Variants in GPBP1 observed in about 807,000 individuals in gnomAD.
GPBP1 encodes the protein GC-rich promoter binding protein 1, also known as vasculin.
Under a neutral mutation model 56.5 loss-of-function variants are expected in GPBP1, and 13 were observed. That is an observed-to-expected ratio of 0.23 (90% confidence interval 0.15 to 0.37). The LOEUF (loss-of-function observed/expected upper bound fraction) is 0.37, where lower values mean the gene tolerates loss of function less well. Among genes scored for constraint, GPBP1 ranks in the 10% least tolerant of loss-of-function variants. The pLI is 1.00. For synonymous variants in GPBP1, 204 were observed against 188.9 expected (o/e 1.08, Z -0.66); for missense variants, 477 against 572.3 (o/e 0.83, Z 1.70).
chr5:57,246,376 A>G lies in GPBP1; in HGVS notation c.555A>G (p.Leu185=), dbSNP rs546693480. 14 of 1,613,554 alleles carry G rather than the reference A, an allele frequency of 8.7e-6. No homozygotes were observed. Among genetic ancestry groups the G allele is most frequent in the East Asian group, 2.2e-5 (1 of 44,880 alleles). The change falls in exon 7 of 12, where the codon CTA becomes CTG. Residue 185 remains leucine (L), a synonymous_variant. Coordinates refer to ENST00000506184, the MANE Select transcript of GPBP1 (RefSeq NM_022913.4). ...AAGGTAATACAAAAGACTTACAGCT[A>G]TCTGGATTCCCAGTAGTAGGAAATC... ...IKKGNTKDLQ[L]SGFPVVGNLP...
chr5:57,228,675 T>TA (rs1281172449), intron 3 of GPBP1, among the ~76,000 whole-genome samples: 2 of 151,114 alleles, frequency 1.3e-5, no homozygotes, highest in East Asian at 3.9e-4. Context: ...TTAAGGAAAT[T>TA]AAAAAAAATA....
intron 2 of GPBP1, among the ~76,000 whole-genome samples, chr5:57,188,011 G>C (rs552841722): frequency 9.2e-5 from 14 of 152,082 alleles, no homozygotes; most frequent in Non-Finnish European, 1.8e-4. Flanking sequence ...GGGAGGCTGA[G>C]GTGGGTGGAT....
At chr5:57,258,017 C>A (rs909285142) in intron 10 of GPBP1, among the ~76,000 whole-genome samples, 3 of 152,162 alleles carry the variant, frequency 2.0e-5, no homozygotes, top group Non-Finnish European at 4.4e-5. Flanking sequence ...TGACCCAGGT[C>A]TTCTAACTTC....
chr5:57,191,799 A>G (rs1003767707), intron 2 of GPBP1, among the ~76,000 whole-genome samples: 2 of 152,084 alleles, frequency 1.3e-5, no homozygotes, highest in Admixed American at 6.6e-5. Flanking sequence ...TGACCTCATG[A>G]TCCGCCCACC....
intron 2 of GPBP1, among the ~76,000 whole-genome samples, chr5:57,192,271 A>G (rs532564519): frequency 1.7e-4 from 26 of 152,148 alleles, no homozygotes; most frequent in Non-Finnish European, 3.1e-4. Flanking sequence ...TCACATTTCT[A>G]TTAAGTACTT....
chr5:57,183,360 C>T (rs1322358281), intron 2 of GPBP1, among the ~76,000 whole-genome samples: 7 of 152,120 alleles, frequency 4.6e-5, no homozygotes, highest in Admixed American at 1.3e-4. Flanking sequence ...AGAGTAAAAA[C>T]TCTGTCTCTA....
intron 2 of GPBP1, among the ~76,000 whole-genome samples, chr5:57,201,331 A>G (rs778734836): frequency 2.0e-5 from 3 of 151,972 alleles, no homozygotes; most frequent in Non-Finnish European, 4.4e-5. Flanking sequence ...TAATTGATGC[A>G]TTGCTGCCCA....
At chr5:57,219,774 C>A (rs541711237) in intron 3 of GPBP1, among the ~76,000 whole-genome samples, 2 of 152,042 alleles carry the variant, frequency 1.3e-5, no homozygotes, top group African/African-American at 4.8e-5. Flanking sequence ...GCATCTGGGC[C>A]GGGTGCGGTG....
At chr5:57,228,111 C>T (rs1756275846) in intron 3 of GPBP1, among the ~76,000 whole-genome samples, 1 of 152,098 alleles carries the variant, frequency 6.6e-6, no homozygotes, top group Non-Finnish European at 1.5e-5. Flanking sequence ...TGTTTAATTA[C>T]TTCTTTATAT....
rs750880389 is a variant in GPBP1 at position 57,251,043 on chromosome 5, A to C, written c.1062A>C (p.Gln354His). The stretch of plus-strand genomic sequence containing the variant: ...ACTTCGATGAAAATGAAATTCCTCA[A>C]GAGAATGGCAATGCCTCAGTGATTT... ...NRNFDENEIP[Q>H]ENGNASVISQ... Residue 354 changes from glutamine (Q) to histidine (H), a missense_variant, in exon 10 of 12, where the codon CAA becomes CAC. This residue lies in a region of GPBP1 where 414 missense variants were observed against 458.2 expected (regional missense o/e 0.90). Transcript: ENST00000506184. 6.2e-7 allele frequency: 1 copy of C among 1,613,442 alleles called. No homozygotes were observed. Among genetic ancestry groups the C allele is most frequent in the African/African-American group, 1.3e-5 (1 of 75,022 alleles).
intron 2 of GPBP1, among the ~76,000 whole-genome samples, chr5:57,191,352 C>T (rs1337627437): frequency 1.3e-5 from 2 of 152,106 alleles, no homozygotes; most frequent in African/African-American, 4.8e-5. Context: ...CTTCTGCTGT[C>T]CAAAGTGCTT....
At chr5:57,194,790 T>C (rs1361845955) in intron 2 of GPBP1, among the ~76,000 whole-genome samples, 1 of 152,200 alleles carries the variant, frequency 6.6e-6, no homozygotes, top group Non-Finnish European at 1.5e-5. Context: ...TTTAACATAC[T>C]GTCCTCTGGT....
At chr5:57,228,805 GAAAAA>G (rs59587632) in intron 3 of GPBP1, among the ~76,000 whole-genome samples, 2 of 142,658 alleles carry the variant, frequency 1.4e-5, no homozygotes, top group African/African-American at 5.1e-5. Context: ...ATGCAAGACT[GAAAAA>G]AAAAAACTAA....
intron 6 of GPBP1, among the ~76,000 whole-genome samples, chr5:57,236,604 AT>A (rs541715033): frequency 5.4e-4 from 82 of 150,888 alleles, no homozygotes; most frequent in South Asian, 8.4e-4. Context: ...CCCAGCCCCC[AT>A]TTTTTTTTAA....
chr5:57,242,842 C>T (rs1293454864), intron 6 of GPBP1, among the ~76,000 whole-genome samples: 5 of 151,834 alleles, frequency 3.3e-5, no homozygotes, highest in East Asian at 1.9e-4. Context: ...CTCTGCCTCC[C>T]GGGTTCAAGT....
chr5:57,262,928 A>G lies in GPBP1; in HGVS notation c.*176A>G, dbSNP rs1187479610. 3 of 523,332 alleles carry G rather than the reference A, an allele frequency of 5.7e-6. No individual in the cohort carries two copies. The highest frequency in any genetic ancestry group is 1.9e-5 in the African/African-American group (1 of 51,536). The allele number at this position is 523,332 out of a possible 1,614,324, so 32.4% of individuals were successfully genotyped here. ...AATGTTTTGTTGGGCTGTGTTGAAC[A>G]TTATTTCTTTGTAAATGAATGTTGT... is the stretch of plus-strand genomic sequence containing the variant. On this transcript the variant is annotated 3_prime_UTR_variant, in exon 12 of 12. Transcript: ENST00000506184.
intron 2 of GPBP1, among the ~76,000 whole-genome samples, chr5:57,182,837 C>T (rs1579971344): frequency 6.6e-6 from 1 of 152,142 alleles, no homozygotes; most frequent in Non-Finnish European, 1.5e-5. Flanking sequence ...GCGCATGTCA[C>T]CATGCTCGGC....
intron 2 of GPBP1, among the ~76,000 whole-genome samples, chr5:57,205,453 A>G (rs887839003): frequency 1.3e-5 from 2 of 152,158 alleles, no homozygotes; most frequent in Non-Finnish European, 2.9e-5. Context: ...TTTCTGAGTC[A>G]TGTGGTAATT....
rs181398626 is a variant in GPBP1, at chr5:57,235,598, A to G, written c.412-368A>G. On this transcript the variant is annotated intron_variant, in intron 5 of 11. Coordinates refer to ENST00000506184, the MANE Select transcript of GPBP1 (RefSeq NM_022913.4). ...ATTAGTATAGATAGTAACTAGTTTA[A>G]TGGTTAGCAAAGTAAGCTGAGAGTA... 7.6e-4 allele frequency among the ~76,000 whole-genome samples: 116 copies of G among 152,318 alleles called. 1 individual carries two copies. The highest frequency in any genetic ancestry group is 2.6e-3 in the African/African-American group (109 of 41,574).
Sources: gnomAD v4.1 joint callset for allele counts (sites outside exome capture counted in the v4.1 genomes callset) on GRCh38, gnomAD v4.1.1 for gene constraint, gnomAD v4.1.1 regional missense constraint, MANE v1.5 for transcripts, NCBI Gene and HGNC (gene_info 2026-07-23, HGNC 2026-07-21) for gene names.